SCHIP1: variants seen among roughly 807,000 people sequenced by gnomAD.
The protein encoded by SCHIP1 is schwannomin interacting protein 1, also known as schwannomin-interacting protein 1.
Under a neutral mutation model 29.7 loss-of-function variants are expected in SCHIP1, and 8 were observed. That is an observed-to-expected ratio of 0.27 (90% confidence interval 0.16 to 0.49). SCHIP1 has a LOEUF of 0.49. Among genes scored for constraint, SCHIP1 ranks in the 20% least tolerant of loss-of-function variants. The probability of loss-of-function intolerance (pLI) is 0.99; values close to 1 mark genes in which losing one functional copy is unlikely to be tolerated. For missense variants in SCHIP1, 193 were observed against 294.6 expected (o/e 0.66, Z 2.52); for synonymous variants, 76 against 94.9 (o/e 0.80, Z 1.16).
At chr3:159,528,790 C>G in the SCHIP1 span, among the ~76,000 whole-genome samples, 1 of 152,236 alleles carries the variant, frequency 6.6e-6, no homozygotes, top group African/African-American at 2.4e-5. Flanking sequence ...CATTTTCACA[C>G]ACAACTCTGT....
chr3:159,563,234 C>T, the SCHIP1 span, among the ~76,000 whole-genome samples: 561 of 152,232 alleles, frequency 3.7e-3, 5 homozygotes, highest in African/African-American at 0.013. Flanking sequence ...TTAATATTAT[C>T]CCTCCATGTG....
chr3:159,536,238 C>A, the SCHIP1 span, among the ~76,000 whole-genome samples: 1 of 152,274 alleles, frequency 6.6e-6, no homozygotes, highest in South Asian at 2.1e-4. Context: ...GTTCACACTG[C>A]AATCCCCTCC....
the SCHIP1 span, among the ~76,000 whole-genome samples, chr3:159,442,489 G>C: frequency 6.6e-6 from 1 of 152,178 alleles, no homozygotes; most frequent in African/African-American, 2.4e-5. Flanking sequence ...AATAAGGCTG[G>C]GAAAGGCATC....
the SCHIP1 span, among the ~76,000 whole-genome samples, chr3:159,808,169 A>G: frequency 6.6e-5 from 10 of 152,246 alleles, no homozygotes; most frequent in African/African-American, 2.4e-4. Flanking sequence ...ATAAGAACCC[A>G]TTAATATTAA....
At chr3:159,568,977 CTT>C in the SCHIP1 span, among the ~76,000 whole-genome samples, 1 of 152,274 alleles carries the variant, frequency 6.6e-6, no homozygotes, top group South Asian at 2.1e-4. Context: ...CATTTTATCT[CTT>C]TAACTCTGAA....
chr3:159,705,792 C>T, the SCHIP1 span, among the ~76,000 whole-genome samples: 192 of 152,186 alleles, frequency 1.3e-3, no homozygotes, highest in African/African-American at 4.5e-3. Context: ...CTGCAAGCTC[C>T]GCCTCCCGGG....
intron 5 of SCHIP1, among the ~76,000 whole-genome samples, chr3:159,890,700 A>G (rs957309416): frequency 6.6e-6 from 1 of 152,118 alleles, no homozygotes; most frequent in Non-Finnish European, 1.5e-5. Flanking sequence ...TCTTCCTTAG[A>G]CTTTTAAACA....
At chr3:159,566,212 AC>A in the SCHIP1 span, among the ~76,000 whole-genome samples, 1 of 152,106 alleles carries the variant, frequency 6.6e-6, no homozygotes, top group African/African-American at 2.4e-5. Context: ...GAAGTTCCTC[AC>A]CTCTCTGTGT....
chr3:159,562,563 T>A, the SCHIP1 span, among the ~76,000 whole-genome samples: 4 of 152,186 alleles, frequency 2.6e-5, no homozygotes, highest in African/African-American at 9.6e-5. Context: ...GCACAATCGA[T>A]CAAGACAGAG....
chr3:159,596,342 T>G, the SCHIP1 span, among the ~76,000 whole-genome samples: 2 of 152,086 alleles, frequency 1.3e-5, no homozygotes, highest in African/African-American at 2.4e-5. Flanking sequence ...CACTTTTACA[T>G]TGTTGGTGGA....
chr3:159,837,747 C>A (rs1366320661), upstream of SCHIP1, among the ~76,000 whole-genome samples: 1 of 151,800 alleles, frequency 6.6e-6, no homozygotes, highest in African/African-American at 2.4e-5. Context: ...AATTCCAGAA[C>A]CTTGTTGGGT....
the SCHIP1 span, among the ~76,000 whole-genome samples, chr3:159,301,104 G>C: frequency 2.0e-5 from 3 of 152,030 alleles, no homozygotes; most frequent in Non-Finnish European, 4.4e-5. Flanking sequence ...CATATATATA[G>C]CACTTGATAT....
chr3:159,564,324 C>A, the SCHIP1 span, among the ~76,000 whole-genome samples: 2 of 152,116 alleles, frequency 1.3e-5, no homozygotes, highest in Non-Finnish European at 2.9e-5. Flanking sequence ...GCAGCTCTCC[C>A]CATGCTCCAT....
At chr3:159,295,265 AAAAAAAAAAAAC>A in the SCHIP1 span, among the ~76,000 whole-genome samples, 2 of 146,022 alleles carry the variant, frequency 1.4e-5, no homozygotes, top group South Asian at 2.2e-4. Flanking sequence ...AAAAAAAAAA[AAAAAAAAAAAAC>A]AACTAGCCAG....
the SCHIP1 span, among the ~76,000 whole-genome samples, chr3:159,501,008 G>A: frequency 2.0e-5 from 3 of 152,068 alleles, no homozygotes; most frequent in African/African-American, 7.2e-5. Context: ...ATGCTATACT[G>A]TACACTTGTG....
At chr3:159,619,605 A>G in the SCHIP1 span, among the ~76,000 whole-genome samples, 1 of 152,366 alleles carries the variant, frequency 6.6e-6, no homozygotes, top group South Asian at 2.1e-4. Context: ...GCTTCTGCCA[A>G]ACAAAGGCTG....
At chr3:159,432,339 T>TGAGAGAGAGAGA in the SCHIP1 span, among the ~76,000 whole-genome samples, 2 of 69,310 alleles carry the variant, frequency 2.9e-5, no homozygotes, top group South Asian at 5.2e-4. Flanking sequence ...TGTGTGTGTG[T>TGAGAGAGAGAGA]GAGAGAGAGA....
chr3:159,632,720 G>A, the SCHIP1 span, among the ~76,000 whole-genome samples: 1 of 152,166 alleles, frequency 6.6e-6, no homozygotes, highest in Non-Finnish European at 1.5e-5. Flanking sequence ...GTCTTGAGCT[G>A]GTCTGACTGA....
the SCHIP1 span, among the ~76,000 whole-genome samples, chr3:159,774,054 T>C: frequency 1.3e-5 from 2 of 152,244 alleles, no homozygotes; most frequent in African/African-American, 4.8e-5. Context: ...TTGTAGTGTT[T>C]TTGAGTGTTC....
Sources: gnomAD v4.1 joint callset for allele counts (sites outside exome capture counted in the v4.1 genomes callset) on GRCh38, gnomAD v4.1.1 for gene constraint, MANE v1.5 for transcripts, NCBI Gene and HGNC (gene_info 2026-07-23, HGNC 2026-07-21) for gene names.